Variants in TRIQK observed in about 807,000 individuals in gnomAD.
TRIQK encodes triple QxxK/R motif containing.
Under a neutral mutation model 10.8 loss-of-function variants are expected in TRIQK, and 10 were observed. That is an observed-to-expected ratio of 0.92 (90% CI 0.57 to 1.57). The LOEUF is 1.57. TRIQK is among the 40% of genes most tolerant of loss of function. The pLI is 0.00. For missense variants in TRIQK, 107 were observed against 97.7 expected (o/e 1.09, Z -0.40); for synonymous variants, 33 against 33.7 (o/e 0.98, Z 0.07).
chr8:93,009,029 G>C lies in TRIQK; in HGVS notation c.-181+8580C>G, dbSNP rs749191872. ...AAGGGAGTAATCAAGCAAGTGAAGA[G>C]ACAATATGGATAACAGAAGAAATTA... On this transcript the variant is annotated intron_variant, in intron 1 of 4. Transcript: ENST00000520686. Among the ~76,000 whole-genome samples the C allele has an allele frequency of 1.0e-3, 157 of 152,294 alleles. 1 individual carries two copies. The highest frequency in any genetic ancestry group is 1.3e-4 in the Non-Finnish European group (9 of 68,020).
At chr8:93,004,945 A>G (rs1268948767) in intron 1 of TRIQK, among the ~76,000 whole-genome samples, 1 of 152,220 alleles carries the variant, frequency 6.6e-6, no homozygotes, top group African/African-American at 2.4e-5. Flanking sequence ...ACAAGTTTCT[A>G]GGAAGTTCCA....
chr8:93,007,980 G>A (rs1813290921), intron 1 of TRIQK, among the ~76,000 whole-genome samples: 1 of 152,174 alleles, frequency 6.6e-6, no homozygotes, highest in South Asian at 2.1e-4. Context: ...ACGAGACCAT[G>A]TCCTTTGCAG....
chr8:92,984,357 C>G (rs1813012378), intron 1 of TRIQK, among the ~76,000 whole-genome samples: 1 of 147,938 alleles, frequency 6.8e-6, no homozygotes, highest in South Asian at 2.1e-4. Flanking sequence ...TGAACCAGAT[C>G]CTACCATTAC....
intron 3 of TRIQK, among the ~76,000 whole-genome samples, chr8:92,904,498 T>G (rs1330491294): frequency 6.6e-6 from 1 of 152,146 alleles, no homozygotes; most frequent in African/African-American, 2.4e-5. Context: ...CTACTGAAAA[T>G]TTAAAATTAT....
In TRIQK at chr8:92,886,506, A is replaced by G; in HGVS notation, c.*116T>C. Reference sequence around the variant, plus strand: ...AACTATCAAAAATCATATGTCTGCAAACTGAAAATATTAGCAGAAAGAATT... The same window carrying G: ...AACTATCAAAAATCATATGTCTGCAGACTGAAAATATTAGCAGAAAGAATT... On this transcript the variant is annotated 3_prime_UTR_variant, in exon 5 of 5. Transcript: ENST00000521988. The G allele has an allele frequency of 1.6e-6, 1 of 643,204 alleles. No individual in the cohort carries two copies. The highest frequency in any genetic ancestry group is 3.1e-5 in the Admixed American group (1 of 31,868). 39.8% of individuals were successfully genotyped at this position (643,204 alleles called of 1,614,324 possible).
intron 3 of TRIQK, among the ~76,000 whole-genome samples, chr8:92,895,854 A>T (rs1808564278): frequency 6.6e-6 from 1 of 152,210 alleles, no homozygotes; most frequent in Admixed American, 6.5e-5. Flanking sequence ...ACTAAAAGGT[A>T]AAATTTACAA....
intron 1 of TRIQK, among the ~76,000 whole-genome samples, chr8:93,016,159 A>G (rs1422148169): frequency 6.6e-6 from 1 of 152,178 alleles, no homozygotes; most frequent in Non-Finnish European, 1.5e-5. Flanking sequence ...CAGAGTATAA[A>G]ATATAGTATA....
intron 2 of TRIQK, among the ~76,000 whole-genome samples, chr8:92,928,978 G>A (rs1186515341): frequency 6.6e-6 from 1 of 152,174 alleles, no homozygotes; most frequent in African/African-American, 2.4e-5. Context: ...ATAAATCAAT[G>A]CAACAAGTAG....
chr8:92,890,174 T>G (rs904950786), intron 4 of TRIQK, among the ~76,000 whole-genome samples: 6 of 151,726 alleles, frequency 4.0e-5, no homozygotes, highest in African/African-American at 1.4e-4. Context: ...GACAAGGCAA[T>G]CAAAGTTTGA....
chr8:92,915,658 A>ATTTT lies in TRIQK; in HGVS notation c.61+1267_61+1270dup, dbSNP rs11400309. Among the ~76,000 whole-genome samples, 315 of 142,486 alleles carry ATTTT rather than the reference A, an allele frequency of 2.2e-3. 5 individuals are homozygous for ATTTT. The highest frequency in any genetic ancestry group is 7.8e-3 in the African/African-American group (304 of 38,768). The allele number at this position is 142,486 out of a possible 152,430, so 93.5% of individuals were successfully genotyped here. ...AGGCGCCCATCACGACGCCCGGCTA[A>ATTTT]TTTTTTTTTTTTTTGTATTTTTAGT... On this transcript the variant is annotated intron_variant, in intron 3 of 4. Transcript: ENST00000521988.
chr8:92,992,776 A>G (rs1813108991), intron 1 of TRIQK, among the ~76,000 whole-genome samples: 1 of 152,234 alleles, frequency 6.6e-6, no homozygotes, highest in South Asian at 2.1e-4. Flanking sequence ...AATGAAACAG[A>G]AGACTGAGTA....
rs1158539008 is a variant in TRIQK at position 92,886,372 on chromosome 8, A to T, written c.*250T>A. On this transcript the variant is annotated 3_prime_UTR_variant, in exon 5 of 5. Transcript: ENST00000521988. ...TAGGATCTGGTTCCCATTTCATCTAAATGTACCATGTATAGGGTGGCTGTC... is the reference window on the plus strand; with the variant it reads ...TAGGATCTGGTTCCCATTTCATCTATATGTACCATGTATAGGGTGGCTGTC... 5 of 238,342 alleles carry T rather than the reference A, an allele frequency of 2.1e-5. No individual in the cohort carries two copies. Among genetic ancestry groups the T allele is most frequent in the Non-Finnish European group, 4.0e-5 (5 of 124,382 alleles). 14.8% of individuals were successfully genotyped at this position (238,342 alleles called of 1,614,324 possible).
intron 1 of TRIQK, chr8:92,973,862 G>A (rs1812902096): frequency 2.0e-5 from 3 of 152,294 alleles, no homozygotes; most frequent in African/African-American, 7.2e-5. Flanking sequence ...TGTGAGTCTG[G>A]GACCCCTTAT....
intron 1 of TRIQK, among the ~76,000 whole-genome samples, chr8:92,994,916 G>A (rs572328351): frequency 5.7e-5 from 8 of 140,498 alleles, no homozygotes; most frequent in South Asian, 2.2e-4. Flanking sequence ...ATTACAATAT[G>A]TTCCTTCTCT....
intron 1 of TRIQK, among the ~76,000 whole-genome samples, chr8:92,978,181 T>C (rs948701096): frequency 2.0e-5 from 3 of 152,150 alleles, no homozygotes; most frequent in South Asian, 2.1e-4. Context: ...GCTTTGACTT[T>C]GCCAGACTCC....
chr8:92,945,973 G>GA (rs34842606), intron 2 of TRIQK, among the ~76,000 whole-genome samples: 16 of 149,978 alleles, frequency 1.1e-4, no homozygotes, highest in South Asian at 4.2e-4. Context: ...GCTCTGGGCA[G>GA]AAAAAAAAAT....
chr8:92,928,132 G>A (rs1374136386), intron 2 of TRIQK: 1 of 152,192 alleles, frequency 6.6e-6, no homozygotes, highest in African/African-American at 2.4e-5. Context: ...AAAAACCAAA[G>A]ATAATACAGA....
intron 2 of TRIQK, among the ~76,000 whole-genome samples, chr8:92,939,136 A>T (rs981935948): frequency 6.6e-5 from 10 of 152,306 alleles, no homozygotes; most frequent in African/African-American, 2.4e-4. Flanking sequence ...GAGGAGAAAG[A>T]GAGTTAAAAT....
At chr8:92,891,524 G>A (rs949807991) in intron 4 of TRIQK, among the ~76,000 whole-genome samples, 1 of 151,788 alleles carries the variant, frequency 6.6e-6, no homozygotes, top group Non-Finnish European at 1.5e-5. Flanking sequence ...TATTCTGAAA[G>A]AACAAGTTTA....
Sources: allele counts gnomAD v4.1 joint callset (sites outside exome capture counted in the v4.1 genomes callset), GRCh38; gene constraint gnomAD v4.1.1; transcripts MANE v1.5; gene names NCBI Gene and HGNC (gene_info 2026-07-23, HGNC 2026-07-21).